Variants in EVI5 observed in about 807,000 individuals in gnomAD.
EVI5 encodes the protein ecotropic viral integration site 5 protein homolog.
EVI5 carries 73 observed loss-of-function variants against 112.0 expected under a neutral mutation model. The observed-to-expected ratio is 0.65, with a 90% CI of 0.54 to 0.79. The LOEUF (loss-of-function observed/expected upper bound fraction) is 0.79. EVI5 is among the 30% of genes least tolerant of loss of function. The pLI is 0.00. For synonymous variants in EVI5, 305 were observed against 319.9 expected (o/e 0.95, Z 0.50); for missense variants, 900 against 968.8 (o/e 0.93, Z 0.94).
rs747494688 is a variant in EVI5, at chr1:92,513,690, G to A, written c.2447C>T (p.Pro816Leu). ...GGTTGAATACGACTCTCTTCTTCTC[G>A]GGGGCCGCTCCTTTTGAACCACTTG... ...SNQVVQKERPPRRRESYSTTV is the reference protein window; with the variant it reads ...SNQVVQKERPLRRRESYSTTV Residue 816 changes from proline to leucine, a missense_variant, in exon 20 of 20, where the codon CCG becomes CTG. Transcript: ENST00000684568. 13 of 1,610,396 alleles carry A rather than the reference G, an allele frequency of 8.1e-6. No homozygotes were observed. The highest frequency in any genetic ancestry group is 5.5e-5 in the South Asian group (5 of 90,758).
intron 10 of EVI5, among the ~76,000 whole-genome samples, chr1:92,676,474 T>C (rs570050749): frequency 6.6e-5 from 10 of 152,260 alleles, no homozygotes; most frequent in East Asian, 3.9e-4. Context: ...ACTAAGTTCT[T>C]TGACTCATGC....
intron 2 of EVI5, among the ~76,000 whole-genome samples, chr1:92,718,778 C>T (rs1009034063): frequency 6.6e-6 from 1 of 151,820 alleles, no homozygotes; most frequent in African/African-American, 2.4e-5. Flanking sequence ...AAAAGATCAA[C>T]AAAATTGATA....
chr1:92,559,126 A>G (rs923603723), intron 19 of EVI5, among the ~76,000 whole-genome samples: 1 of 152,186 alleles, frequency 6.6e-6, no homozygotes, highest in Non-Finnish European at 1.5e-5. Context: ...AACTTATAAT[A>G]CCTAATACAA....
intron 18 of EVI5, among the ~76,000 whole-genome samples, chr1:92,585,265 C>T (rs1243329489): frequency 6.6e-6 from 1 of 151,108 alleles, no homozygotes; most frequent in African/African-American, 2.4e-5. Context: ...AGGGCTGAGT[C>T]AGGATTATTT....
intron 9 of EVI5, among the ~76,000 whole-genome samples, chr1:92,683,294 A>G (rs886682631): frequency 2.6e-5 from 4 of 152,198 alleles, no homozygotes; most frequent in Non-Finnish European, 5.9e-5. Flanking sequence ...GACCTCCAGC[A>G]AACTCCAAAA....
At chr1:92,698,948 T>C (rs376757499) in intron 5 of EVI5, among the ~76,000 whole-genome samples, 13 of 152,284 alleles carry the variant, frequency 8.5e-5, no homozygotes, top group African/African-American at 3.1e-4. Flanking sequence ...CAAATAACTA[T>C]CCAAATTGTT....
chr1:92,665,173 C>A (rs1664677515), intron 11 of EVI5, among the ~76,000 whole-genome samples: 1 of 151,956 alleles, frequency 6.6e-6, no homozygotes, highest in South Asian at 2.1e-4. Flanking sequence ...CCACTGCACT[C>A]CAGCCTGGGC....
At chr1:92,668,690 C>T (rs1288656477) in intron 10 of EVI5, among the ~76,000 whole-genome samples, 1 of 152,182 alleles carries the variant, frequency 6.6e-6, no homozygotes, top group African/African-American at 2.4e-5. Context: ...AAAAATAAAT[C>T]ACCACTTCCT....
intron 1 of EVI5, among the ~76,000 whole-genome samples, chr1:92,755,255 T>C (rs995855169): frequency 6.6e-6 from 1 of 151,680 alleles, no homozygotes; most frequent in Non-Finnish European, 1.5e-5. Flanking sequence ...CTAAAAAATA[T>C]AAAAATTAGC....
At chr1:92,650,995 A>G (rs969250708) in intron 13 of EVI5, among the ~76,000 whole-genome samples, 4 of 152,220 alleles carry the variant, frequency 2.6e-5, no homozygotes, top group African/African-American at 9.6e-5. Context: ...GCTTACCTAC[A>G]GTAGCACCTG....
At chr1:92,629,689 A>G (rs1656482684) in intron 14 of EVI5, among the ~76,000 whole-genome samples, 3 of 151,656 alleles carry the variant, frequency 2.0e-5, no homozygotes, top group Admixed American at 6.6e-5. Context: ...ATTATACTTT[A>G]AGTTTTAGGG....
intron 1 of EVI5, 39 bp from the exon 2 acceptor site, chr1:92,736,666 A>C (rs999284697): frequency 7.9e-6 from 10 of 1,263,748 alleles, no homozygotes; most frequent in Non-Finnish European, 1.2e-5. Context: ...CTTTAGTTAC[A>C]CTGTATTCAT....
chr1:92,549,532 A>C (rs1227974185), intron 19 of EVI5, among the ~76,000 whole-genome samples: 1 of 151,940 alleles, frequency 6.6e-6, no homozygotes, highest in Non-Finnish European at 1.5e-5. Context: ...TCTGCACAGC[A>C]AAAGAAACTA....
Position 92,736,463 on chromosome 1 carries a change from T to C in EVI5, c.84A>G (p.Pro28=). 14 of 1,613,936 alleles carry C rather than the reference T, an allele frequency of 8.7e-6. No individual in the cohort carries two copies. The highest frequency in any genetic ancestry group is 1.0e-5 in the Non-Finnish European group (12 of 1,179,926). Residue 28 remains proline, a synonymous_variant, in exon 2 of 20, where the codon CCA becomes CCG. Coordinates refer to ENST00000684568, the MANE Select transcript of EVI5 (RefSeq NM_001350197.2). The part of the protein sequence containing the change: ...STTLSTPALS[P]SSPSQLSPDD... ...CTGGACTCAACTGTGATGGGGAAGA[T>C]GGTGAAAGGGCTGGTGTTGATAGTG...
At chr1:92,579,540 A>G (rs564573179) in intron 18 of EVI5, among the ~76,000 whole-genome samples, 1 of 152,188 alleles carries the variant, frequency 6.6e-6, no homozygotes, top group Non-Finnish European at 1.5e-5. Flanking sequence ...TTCCTTTTTC[A>G]GCAATTTTAA....
At chr1:92,707,266 G>T (rs1042666174) in intron 2 of EVI5, among the ~76,000 whole-genome samples, 9 of 149,804 alleles carry the variant, frequency 6.0e-5, no homozygotes, top group Non-Finnish European at 1.0e-4. Context: ...TAAGGAAACA[G>T]TAACTACAAA....
chr1:92,785,348 G>T (rs1197070099), upstream of EVI5, among the ~76,000 whole-genome samples: 1 of 152,164 alleles, frequency 6.6e-6, no homozygotes, highest in Non-Finnish European at 1.5e-5. Context: ...ATGTTAAAAC[G>T]GTAGAAGACA....
intron 9 of EVI5, among the ~76,000 whole-genome samples, chr1:92,691,822 G>A (rs1669550363): frequency 6.6e-6 from 1 of 152,208 alleles, no homozygotes; most frequent in Non-Finnish European, 1.5e-5. Context: ...CTGGAAGACA[G>A]CAAGTTTAGG....
Position 92,624,301 on chromosome 1 carries a change from C to G in EVI5, c.1702G>C (p.Asp568His). ...HLARTTGRWK[D>H]PPKKNAMNEL... The stretch of plus-strand genomic sequence containing the variant: ...TTCATAGCATTTTTCTTGGGTGGGT[C>G]TTTCCATCTCCCAGTAGTACGAGCT... The change falls in exon 16 of 20, where the codon GAC (aspartate) becomes CAC (histidine). Residue 568 changes from aspartate to histidine, a missense_variant. By Grantham distance (81) the Asp-to-His change is moderately conservative. Coordinates refer to ENST00000684568, the MANE Select transcript of EVI5 (RefSeq NM_001350197.2). The G allele has an allele frequency of 6.2e-7, 1 of 1,613,648 alleles. No individual in the cohort carries two copies. The highest frequency in any genetic ancestry group is 2.2e-5 in the East Asian group (1 of 44,864).
Sources: gnomAD v4.1 joint callset for allele counts (sites outside exome capture counted in the v4.1 genomes callset) on GRCh38, gnomAD v4.1.1 for gene constraint, MANE v1.5 for transcripts, NCBI Gene and HGNC (gene_info 2026-07-23, HGNC 2026-07-21) for gene names.